Variants in USP43 observed in about 807,000 individuals in gnomAD.
USP43 encodes the protein ubiquitin carboxyl-terminal hydrolase 43.
USP43 carries 33 observed loss-of-function variants against 90.7 expected under a neutral mutation model. The observed-to-expected ratio is 0.36, with a 90% CI of 0.28 to 0.49. The LOEUF is 0.49. USP43 is among the 20% of genes least tolerant of loss of function. USP43 has a pLI of 0.98. For missense variants in USP43, 1,274 were observed against 1,476.4 expected (o/e 0.86, Z 2.25); for synonymous variants, 598 against 615.8 (o/e 0.97, Z 0.43).
chr17:9,687,941 C>T (rs1914685828), intron 8 of USP43, among the ~76,000 whole-genome samples: 1 of 152,194 alleles, frequency 6.6e-6, no homozygotes, highest in Non-Finnish European at 1.5e-5. Context: ...TCTCCCAAAC[C>T]TTGAGCTACT....
intron 1 of USP43, among the ~76,000 whole-genome samples, chr17:9,655,039 C>T (rs11078810): frequency 7.5e-6 from 1 of 132,688 alleles, no homozygotes; most frequent in South Asian, 2.5e-4. Flanking sequence ...CACCTGGCCT[C>T]TAAAGTCTCC....
At position 9,645,821 on chromosome 17, in the gene USP43, C is replaced by T; in HGVS notation, c.189C>T (p.Cys63=). The change falls in exon 1 of 15, where the codon TGC becomes TGT. Residue 63 remains cysteine (C), a synonymous_variant. Coordinates refer to ENST00000285199, the MANE Select transcript of USP43 (RefSeq NM_153210.5). This position sits in a 1 kb window ranked among gnomAD's most constrained non-coding sequence, Gnocchi z 6.8. ...CDGDGEGGFA[C]APGPVPAAPG... is the part of the protein sequence containing the mutation. ...GCGACGGTGAGGGGGGCTTCGCCTG[C>T]GCCCCGGGCCCAGTTCCAGCGGCCC... 1 of 1,389,780 alleles carries T rather than the reference C, an allele frequency of 7.2e-7. No individual in the cohort carries two copies. The highest frequency in any genetic ancestry group is 9.3e-7 in the Non-Finnish European group (1 of 1,078,154). 86.1% of individuals were successfully genotyped at this position (1,389,780 alleles called of 1,614,324 possible).
chr17:9,728,242 A>G lies in USP43; in HGVS notation c.2624A>G (p.Asn875Ser). 1.9e-6 allele frequency: 3 copies of G among 1,613,886 alleles called. No homozygotes were observed. The highest frequency in any genetic ancestry group is 2.5e-6 in the Non-Finnish European group (3 of 1,179,882). Reference protein sequence around the residue: ...SPRSNVALPANSEDGGRAIER... With the variant: ...SPRSNVALPASSEDGGRAIER... ...AGGTCCAACGTCGCCCTTCCTGCTA[A>G]CAGCGAAGATGGTGGGCGGGCCATT... Residue 875 changes from asparagine (N) to serine (S), a missense_variant, in exon 15 of 15, where the codon AAC becomes AGC. By Grantham distance (46) the Asn-to-Ser change is conservative. This residue lies in a region of USP43 where 353 missense variants were observed against 329.7 expected (regional missense o/e 1.07). Transcript: ENST00000285199. This position sits in a 1 kb window ranked among gnomAD's most constrained non-coding sequence, Gnocchi z 6.2.
chr17:9,715,151 G>A (rs977266471), intron 14 of USP43, among the ~76,000 whole-genome samples: 1 of 152,150 alleles, frequency 6.6e-6, no homozygotes, highest in African/African-American at 2.4e-5. Context: ...GGGAACAAGG[G>A]GGTAACCACA....
chr17:9,683,999 T>C (rs1042393414), intron 7 of USP43, among the ~76,000 whole-genome samples: 2 of 151,982 alleles, frequency 1.3e-5, no homozygotes, highest in Non-Finnish European at 1.5e-5. Context: ...TATCCAGGTG[T>C]GGTGGCACGC....
At chr17:9,707,704 T>A (rs1470925973) in intron 12 of USP43, among the ~76,000 whole-genome samples, 1 of 152,078 alleles carries the variant, frequency 6.6e-6, no homozygotes, top group African/African-American at 2.4e-5. Context: ...ACATTTTTTT[T>A]TAATGCACTG....
In USP43 at chr17:9,646,042, C is replaced by T; in HGVS notation, c.410C>T (p.Ala137Val). ...CTGGCGCTGGGGCGCTACCGGGCGGCTCCGGGCCGCGCCGAGGTCACCGAG... is the reference window on the plus strand; with the variant it reads ...CTGGCGCTGGGGCGCTACCGGGCGGTTCCGGGCCGCGCCGAGGTCACCGAG... ...EFLALGRYRAAPGRAEVTEQL... is the reference protein window; with the variant it reads ...EFLALGRYRAVPGRAEVTEQL... Residue 137 changes from alanine to valine, a missense_variant, in exon 1 of 15, where the codon GCT becomes GTT. Ala to Val is a moderately conservative substitution (Grantham distance 64). Transcript: ENST00000285199. 6.7e-7 allele frequency: 1 copy of T among 1,499,870 alleles called. No homozygotes were observed. Among genetic ancestry groups the T allele is most frequent in the South Asian group, 1.3e-5 (1 of 79,082 alleles). 92.9% of individuals were successfully genotyped at this position (1,499,870 alleles called of 1,614,324 possible).
At chr17:9,703,857 A>C (rs978433284) in intron 12 of USP43, among the ~76,000 whole-genome samples, 41 of 152,198 alleles carry the variant, frequency 2.7e-4, no homozygotes, top group Middle Eastern at 3.2e-3. Context: ...CAAGTCCCCA[A>C]GCCATGTAGG....
chr17:9,718,166 TG>T (rs1267076288), intron 14 of USP43, among the ~76,000 whole-genome samples: 1 of 152,194 alleles, frequency 6.6e-6, no homozygotes, highest in Non-Finnish European at 1.5e-5. Context: ...GCGATGCTTT[TG>T]GGACGAGAAA....
intron 4 of USP43, 26 bp from the exon 5 acceptor site, chr17:9,676,720 G>A (rs1241367570): frequency 1.9e-6 from 3 of 1,607,324 alleles, no homozygotes; most frequent in Non-Finnish European, 2.6e-6. Flanking sequence ...AGTCCTTTAA[G>A]GGTGTTGCCC....
intron 9 of USP43, among the ~76,000 whole-genome samples, chr17:9,696,219 C>T (rs1315528219): frequency 1.3e-5 from 2 of 152,062 alleles, no homozygotes; most frequent in African/African-American, 2.4e-5. Flanking sequence ...CTGCAACCCC[C>T]GCCTCCTGGA....
intron 4 of USP43, among the ~76,000 whole-genome samples, chr17:9,676,332 G>A (rs1188484067): frequency 3.3e-5 from 5 of 152,102 alleles, no homozygotes; most frequent in Admixed American, 1.3e-4. Context: ...ACCAGGAAGC[G>A]GAGATTAACT....
At chr17:9,680,653 G>T (rs1228422010) in intron 6 of USP43, among the ~76,000 whole-genome samples, 1 of 152,066 alleles carries the variant, frequency 6.6e-6, no homozygotes, top group African/African-American at 2.4e-5. Context: ...GCCTGGGGTG[G>T]GGCCTAAGAG....
At chr17:9,689,973 C>T (rs896915394) in intron 8 of USP43, among the ~76,000 whole-genome samples, 5 of 152,158 alleles carry the variant, frequency 3.3e-5, no homozygotes, top group Non-Finnish European at 5.9e-5. Flanking sequence ...TACTTCCAGA[C>T]GTTGATTTCG....
At position 9,729,250 on chromosome 17, in the gene USP43, A is replaced by C. The variant is rs1917458782; in HGVS notation, c.*260A>C. The C allele has an allele frequency of 1.0e-5, 3 of 297,384 alleles. No individual in the cohort carries two copies. Among genetic ancestry groups the C allele is most frequent in the Middle Eastern group, 9.3e-4 (1 of 1,076 alleles). The allele number at this position is 297,384 out of a possible 1,614,324, so 18.4% of individuals were successfully genotyped here. A position where few individuals can be genotyped will look rare whatever the true frequency, so the allele number is the denominator to read the frequency against. Reference sequence around the variant, plus strand: ...CACTAGAGGATGCTATTGGGTCAGTATTACCAGTTTCAGGGCAAGAACTGA... The same window carrying C: ...CACTAGAGGATGCTATTGGGTCAGTCTTACCAGTTTCAGGGCAAGAACTGA... On this transcript the variant is annotated 3_prime_UTR_variant, in exon 15 of 15. Coordinates refer to ENST00000285199, the MANE Select transcript of USP43 (RefSeq NM_153210.5).
chr17:9,676,964 T>C, intron 5 of USP43, 83 bp downstream of exon 5: 3 of 1,531,834 alleles, frequency 2.0e-6, no homozygotes, highest in Non-Finnish European at 2.6e-6. Context: ...TAGGCCAATT[T>C]GTGGTTCCCA....
intron 8 of USP43, 98 bp downstream of exon 8, chr17:9,687,007 C>T: frequency 9.7e-7 from 1 of 1,035,464 alleles, no homozygotes; most frequent in Non-Finnish European, 1.4e-6. Context: ...TTTAGTGTAG[C>T]CCAGGAGAGG....
intron 1 of USP43, among the ~76,000 whole-genome samples, chr17:9,653,482 G>A (rs1167851868): frequency 6.6e-6 from 1 of 152,192 alleles, no homozygotes; most frequent in Non-Finnish European, 1.5e-5. Context: ...CAGCTACTCA[G>A]GGGGCTGAGG....
intron 12 of USP43, among the ~76,000 whole-genome samples, chr17:9,708,749 T>A (rs1916025589): frequency 6.6e-6 from 1 of 152,138 alleles, no homozygotes. Flanking sequence ...TGCCTCAGCC[T>A]CCCAAGTAGC....
Sources: allele counts gnomAD v4.1 joint callset (sites outside exome capture counted in the v4.1 genomes callset), GRCh38; gene constraint gnomAD v4.1.1; regional missense constraint gnomAD v4.1.1; non-coding constraint Gnocchi (gnomAD v3.1); transcripts MANE v1.5; gene names NCBI Gene and HGNC (gene_info 2026-07-23, HGNC 2026-07-21).